Variants in SLC8A3 observed in about 807,000 individuals in gnomAD.
SLC8A3 encodes the protein sodium/calcium exchanger 3.
Under a neutral mutation model 65.4 loss-of-function variants are expected in SLC8A3, and 37 were observed. The ratio of observed to expected loss-of-function variants is 0.57; its 90% CI spans 0.44 to 0.74. SLC8A3 has a LOEUF of 0.74. Ranked by LOEUF, SLC8A3 falls within the 30% of genes least tolerant of loss-of-function variation. The pLI is 0.00. For synonymous variants in SLC8A3, 461 were observed against 444.5 expected (o/e 1.04, Z -0.47); for missense variants, 1,112 against 1,172.1 (o/e 0.95, Z 0.75).
intron 2 of SLC8A3, among the ~76,000 whole-genome samples, chr14:70,115,820 A>G (rs1170487485): frequency 6.6e-6 from 1 of 152,204 alleles, no homozygotes; most frequent in Admixed American, 6.5e-5. Flanking sequence ...CAGAGCTGCA[A>G]AATGAAAGGG....
At chr14:70,178,622 C>T (rs1230520188) in intron 1 of SLC8A3, among the ~76,000 whole-genome samples, 1 of 152,186 alleles carries the variant, frequency 6.6e-6, no homozygotes, top group Non-Finnish European at 1.5e-5. Context: ...AGAGTGGCTA[C>T]AAGAAAGCAT....
Position 70,144,506 on chromosome 14 carries a change from T to C in SLC8A3, c.1784+22133A>G, listed in dbSNP as rs192261505. ...TCAGCTGGGTATGGTGGCACACGCC[T>C]GTAATCCCAGCTACTCAGGAGGCCG... On this transcript the variant is annotated intron_variant, in intron 2 of 6. Coordinates refer to ENST00000356921, the MANE Select transcript of SLC8A3 (RefSeq NM_182932.3). Among the ~76,000 whole-genome samples the C allele has an allele frequency of 1.8e-3, 276 of 151,684 alleles. 3 individuals are homozygous for C. The highest frequency in any genetic ancestry group is 6.2e-3 in the African/African-American group (258 of 41,348).
chr14:70,157,084 A>G (rs962207032), intron 2 of SLC8A3, among the ~76,000 whole-genome samples: 1 of 152,134 alleles, frequency 6.6e-6, no homozygotes, highest in African/African-American at 2.4e-5. Context: ...GTGGCTGCAG[A>G]GTCTATAGTG....
At position 70,168,255 on chromosome 14, in the gene SLC8A3, C is replaced by T; in HGVS notation, c.168G>A (p.Glu56=). 6.2e-7 allele frequency: 1 copy of T among 1,614,194 alleles called. No individual in the cohort carries two copies. The highest frequency in any genetic ancestry group is 8.5e-7 in the Non-Finnish European group (1 of 1,180,032). Reference sequence around the variant, plus strand: ...GGTACCAGATTGGCAGGATGACACCCTCCTTGCAGTCCGATGACCCTGAAC... The same window carrying T: ...GGTACCAGATTGGCAGGATGACACCTTCCTTGCAGTCCGATGACCCTGAAC... ...ESCSGSSDCK[E]GVILPIWYPE... Residue 56 remains glutamate, a synonymous_variant, in exon 2 of 7, where the codon GAG becomes GAA. Transcript: ENST00000356921.
Position 70,118,347 on chromosome 14 carries a change from G to A in SLC8A3, c.1784+48292C>T, listed in dbSNP as rs539350469. ...TTCCATCCACCCTCTGACACCTTGC[G>A]TTCTTTTCTTATTCTGGAAGAAAAC... On this transcript the variant is annotated intron_variant, in intron 2 of 6. Transcript: ENST00000356921. Among the ~76,000 whole-genome samples, 10 of 152,220 alleles carry A rather than the reference G, an allele frequency of 6.6e-5. No individual in the cohort carries two copies. The South Asian group carries it at 1.5e-3, about 22-fold the overall frequency.
intron 1 of SLC8A3, among the ~76,000 whole-genome samples, chr14:70,184,225 C>T (rs988008736): frequency 6.6e-6 from 1 of 152,170 alleles, no homozygotes; most frequent in African/African-American, 2.4e-5. Flanking sequence ...TTCTATACAG[C>T]TTCCTCTTTA....
At chr14:70,136,332 A>G (rs563063912) in intron 2 of SLC8A3, among the ~76,000 whole-genome samples, 1 of 152,278 alleles carries the variant, frequency 6.6e-6, no homozygotes, top group South Asian at 2.1e-4. Context: ...GAGGCAATAC[A>G]TTTTTGTTGT....
chr14:70,055,779 G>A (rs780808358), intron 3 of SLC8A3: 1 of 1,604,730 alleles, frequency 6.2e-7, no homozygotes, highest in Non-Finnish European at 8.5e-7. Flanking sequence ...AAAAGAGGGG[G>A]ACAAGACACC....
In SLC8A3 at chr14:70,051,070, G is replaced by A. The variant is rs1370051822; in HGVS notation, c.2051C>T (p.Ala684Val). 6.2e-7 allele frequency: 1 copy of A among 1,613,648 alleles called. No homozygotes were observed. Among genetic ancestry groups the A allele is most frequent in the South Asian group, 1.1e-5 (1 of 91,062 alleles). Reference sequence around the variant, plus strand: ...CCAGGAATGGGTCCCCACAACCAAGGCCAGGTTTGTCTTCTTGATCAGTTT... The same window carrying A: ...CCAGGAATGGGTCCCCACAACCAAGACCAGGTTTGTCTTCTTGATCAGTTT... ...VDKLIKKTNL[A>V]LVVGTHSWRD... Residue 684 changes from alanine to valine, a missense_variant, in exon 5 of 7, where the codon GCC (alanine) becomes GTC (valine). By Grantham distance (64) the Ala-to-Val change is moderately conservative. Coordinates refer to ENST00000356921, the MANE Select transcript of SLC8A3 (RefSeq NM_182932.3).
At chr14:70,174,651 G>GTTTTTTT (rs1286502376) in intron 1 of SLC8A3, among the ~76,000 whole-genome samples, 2 of 90,364 alleles carry the variant, frequency 2.2e-5, no homozygotes, top group African/African-American at 9.9e-5. Flanking sequence ...GACCAAATCC[G>GTTTTTTT]TTTTTTTTTT....
At chr14:70,047,218 C>T (rs1169956233) in intron 6 of SLC8A3, 2 of 152,338 alleles carry the variant, frequency 1.3e-5, no homozygotes, top group East Asian at 3.9e-4. Flanking sequence ...TGGAGATGCC[C>T]AAAGGTATCT....
chr14:70,099,380 G>C (rs953082897), intron 2 of SLC8A3, among the ~76,000 whole-genome samples: 3 of 152,216 alleles, frequency 2.0e-5, no homozygotes, highest in Non-Finnish European at 4.4e-5. Flanking sequence ...TACAGAAGTA[G>C]TTTGCTAACC....
intron 2 of SLC8A3, among the ~76,000 whole-genome samples, chr14:70,110,749 C>A (rs549469066): frequency 5.4e-5 from 8 of 147,326 alleles, no homozygotes; most frequent in African/African-American, 2.0e-4. Context: ...GGTGCTATCT[C>A]GGCTCACTGA....
intron 2 of SLC8A3, among the ~76,000 whole-genome samples, chr14:70,135,304 T>C (rs930140031): frequency 6.6e-6 from 1 of 152,138 alleles, no homozygotes; most frequent in African/African-American, 2.4e-5. Flanking sequence ...ATGTAAGTAA[T>C]ACAGCCACCA....
chr14:70,049,633 A>T (rs1454327983), intron 5 of SLC8A3, among the ~76,000 whole-genome samples: 1 of 116,218 alleles, frequency 8.6e-6, no homozygotes, highest in African/African-American at 3.6e-5. Flanking sequence ...TGTATAATTA[A>T]AAAAAAAAAG....
At chr14:70,121,397 T>C (rs1260619368) in intron 2 of SLC8A3, among the ~76,000 whole-genome samples, 2 of 152,236 alleles carry the variant, frequency 1.3e-5, no homozygotes, top group African/African-American at 4.8e-5. Flanking sequence ...GTGGACACTA[T>C]TGAACTGGGA....
At chr14:70,050,767 A>G (rs1196594394) in intron 5 of SLC8A3, among the ~76,000 whole-genome samples, 1 of 152,166 alleles carries the variant, frequency 6.6e-6, no homozygotes, top group Non-Finnish European at 1.5e-5. Flanking sequence ...GAAAGAGGAC[A>G]TTGAGGTCAG....
chr14:70,116,155 G>A (rs925231002), intron 2 of SLC8A3, among the ~76,000 whole-genome samples: 6 of 152,198 alleles, frequency 3.9e-5, no homozygotes, highest in African/African-American at 7.2e-5. Context: ...GAACTTGGAT[G>A]TAGCCTGGGC....
intron 2 of SLC8A3, among the ~76,000 whole-genome samples, chr14:70,126,629 T>C (rs963919034): frequency 3.3e-5 from 5 of 150,030 alleles, no homozygotes; most frequent in Admixed American, 2.0e-4. Context: ...GGGGCCCTAA[T>C]AGTAAGACTG....
Sources: allele counts gnomAD v4.1 joint callset (sites outside exome capture counted in the v4.1 genomes callset), GRCh38; gene constraint gnomAD v4.1.1; transcripts MANE v1.5; gene names NCBI Gene and HGNC (gene_info 2026-07-23, HGNC 2026-07-21).